The following RANBP2 variants were observed in gnomAD, a reference collection of about 807,000 sequenced individuals.
RANBP2 encodes the protein E3 SUMO-protein ligase RanBP2.
A neutral mutation model predicts 303.6 loss-of-function variants in RANBP2; 57 were observed. That is an observed-to-expected ratio of 0.19 (90% CI 0.15 to 0.23). RANBP2 has a LOEUF of 0.23. RANBP2 is among the 10% of genes least tolerant of loss of function. The probability of loss-of-function intolerance (pLI) is 1.00; values close to 1 mark genes in which losing one functional copy is unlikely to be tolerated. For synonymous variants in RANBP2, 1,167 were observed against 1,301.5 expected (o/e 0.90, Z 2.23); for missense variants, 3,138 against 3,780.8 (o/e 0.83, Z 4.46).
At chr2:109,271,000 G>T in the RANBP2 span, among the ~76,000 whole-genome samples, 5 of 152,172 alleles carry the variant, frequency 3.3e-5, no homozygotes, top group African/African-American at 1.2e-4. Context: ...CATTTTCTGG[G>T]TCACCCCTCA....
chr2:109,093,073 G>T, the RANBP2 span, among the ~76,000 whole-genome samples: 2 of 152,142 alleles, frequency 1.3e-5, no homozygotes, highest in African/African-American at 4.8e-5. Context: ...CCATCCAGAG[G>T]ACAGCAATTT....
chr2:109,680,027 A>G, the RANBP2 span, among the ~76,000 whole-genome samples: 1 of 151,990 alleles, frequency 6.6e-6, no homozygotes, highest in Non-Finnish European at 1.5e-5. Context: ...TGGGTAACCT[A>G]GAGAGAAAAA....
At chr2:109,152,066 A>G in the RANBP2 span, among the ~76,000 whole-genome samples, 343 of 152,304 alleles carry the variant, frequency 2.3e-3, no homozygotes, top group African/African-American at 7.8e-3. Flanking sequence ...TCAGCAGTCT[A>G]TTTTCAGTGG....
At chr2:109,253,314 C>T in the RANBP2 span, among the ~76,000 whole-genome samples, 3 of 152,198 alleles carry the variant, frequency 2.0e-5, no homozygotes, top group Non-Finnish European at 2.9e-5. Context: ...CCACTGCGCC[C>T]GGCCTAGCCT....
the RANBP2 span, among the ~76,000 whole-genome samples, chr2:108,842,270 C>A: frequency 6.6e-6 from 1 of 151,332 alleles, no homozygotes; most frequent in African/African-American, 2.4e-5. Flanking sequence ...AACTCTTGGC[C>A]TCAAGTGATC....
chr2:109,280,163 T>C, the RANBP2 span, among the ~76,000 whole-genome samples: 1 of 152,174 alleles, frequency 6.6e-6, no homozygotes, highest in African/African-American at 2.4e-5. Flanking sequence ...CATAAAGAGC[T>C]GACATCTATA....
At chr2:109,521,632 AC>A in the RANBP2 span, among the ~76,000 whole-genome samples, 4 of 151,862 alleles carry the variant, frequency 2.6e-5, no homozygotes. Context: ...ATTTATTTCC[AC>A]CCCTTTATTT....
chr2:108,912,641 T>G, the RANBP2 span: 1 of 1,537,896 alleles, frequency 6.5e-7, no homozygotes, highest in Non-Finnish European at 8.8e-7. Flanking sequence ...GAGTACCACC[T>G]AACTCCAGGT....
the RANBP2 span, among the ~76,000 whole-genome samples, chr2:109,258,456 G>A: frequency 6.6e-6 from 1 of 152,120 alleles, no homozygotes; most frequent in East Asian, 1.9e-4. Context: ...AGGCTTCCTC[G>A]GGCCCTCAGC....
chr2:108,841,561 T>G, the RANBP2 span, among the ~76,000 whole-genome samples: 8 of 152,226 alleles, frequency 5.3e-5, no homozygotes, highest in Non-Finnish European at 1.2e-4. Context: ...TATAGAGACT[T>G]CTGGCTTCAT....
At chr2:109,553,129 T>G in the RANBP2 span, 1 of 1,613,830 alleles carries the variant, frequency 6.2e-7, no homozygotes, top group Non-Finnish European at 8.5e-7. Context: ...TCTCCTTTAC[T>G]CGCTGCACAA....
At chr2:109,116,530 G>T in the RANBP2 span, among the ~76,000 whole-genome samples, 1 of 152,070 alleles carries the variant, frequency 6.6e-6, no homozygotes, top group Non-Finnish European at 1.5e-5. Flanking sequence ...TTATACATTT[G>T]TCTAAATTTT....
the RANBP2 span, among the ~76,000 whole-genome samples, chr2:108,917,917 A>G: frequency 6.6e-6 from 1 of 152,150 alleles, no homozygotes; most frequent in Non-Finnish European, 1.5e-5. Flanking sequence ...GCTGTTTTCC[A>G]GGCGAGTCAG....
At chr2:108,797,228 C>G in the RANBP2 span, among the ~76,000 whole-genome samples, 1 of 152,050 alleles carries the variant, frequency 6.6e-6, no homozygotes, top group African/African-American at 2.4e-5. Flanking sequence ...AATTAAGTGA[C>G]AGTAGAGGAA....
the RANBP2 span, among the ~76,000 whole-genome samples, chr2:109,464,327 T>C: frequency 6.6e-6 from 1 of 152,222 alleles, no homozygotes; most frequent in Non-Finnish European, 1.5e-5. Flanking sequence ...TCACGTACAA[T>C]GTGAACACAT....
the RANBP2 span, among the ~76,000 whole-genome samples, chr2:109,012,266 A>G: frequency 2.0e-5 from 3 of 152,140 alleles, no homozygotes; most frequent in African/African-American, 7.2e-5. Flanking sequence ...GGAGGGTATG[A>G]GCCTGACTGC....
chr2:109,364,817 G>T, the RANBP2 span, among the ~76,000 whole-genome samples: 5 of 152,208 alleles, frequency 3.3e-5, no homozygotes, highest in African/African-American at 4.8e-5. Context: ...GGGGCCAGAT[G>T]TGGTGGCTCA....
In RANBP2 at chr2:108,758,514, G is replaced by A. The variant is rs1488658312; in HGVS notation, c.2568G>A (p.Gln856=). ...CAGACTCAGTGCCTGATGGATATCA[G>A]GGGTCACAGACATTTCATGGGGCTC... The part of the protein sequence containing the change: ...YGPDSVPDGY[Q]GSQTFHGAPL... Residue 856 remains glutamine (Q), a synonymous_variant, in exon 18 of 29, where the codon CAG becomes CAA. Coordinates refer to ENST00000283195, the MANE Select transcript of RANBP2 (RefSeq NM_006267.5). 5.0e-6 allele frequency: 8 copies of A among 1,611,132 alleles called. No homozygotes were observed. Among genetic ancestry groups the A allele is most frequent in the Middle Eastern group, 2.2e-4 (1 of 4,452 alleles).
the RANBP2 span, chr2:108,896,850 C>T: frequency 6.5e-7 from 1 of 1,548,054 alleles, no homozygotes. Context: ...CTCACAGCTC[C>T]AGAGCCCTCG....
Sources: allele counts gnomAD v4.1 joint callset (sites outside exome capture counted in the v4.1 genomes callset), GRCh38; gene constraint gnomAD v4.1.1; transcripts MANE v1.5; gene names NCBI Gene and HGNC (gene_info 2026-07-23, HGNC 2026-07-21).